IL6ST: variants seen among roughly 807,000 people sequenced by gnomAD.
IL6ST encodes the protein interleukin-6 receptor subunit beta.
Under a neutral mutation model 91.3 loss-of-function variants are expected in IL6ST, and 24 were observed. That is an observed-to-expected ratio of 0.26 (90% confidence interval 0.19 to 0.37). The LOEUF (loss-of-function observed/expected upper bound fraction) is 0.37. Among genes scored for constraint, IL6ST ranks in the 10% least tolerant of loss-of-function variants. The pLI is 1.00. For synonymous variants in IL6ST, 351 were observed against 373.6 expected (o/e 0.94, Z 0.70); for missense variants, 914 against 1,078.5 (o/e 0.85, Z 2.14).
intron 5 of IL6ST, 29 bp downstream of exon 5, chr5:55,968,247 T>C: frequency 6.5e-7 from 1 of 1,543,980 alleles, no homozygotes; most frequent in Non-Finnish European, 8.7e-7. Flanking sequence ...TTAATAAATC[T>C]AACATGAAAC....
chr5:55,993,334 T>C (rs897285979), intron 1 of IL6ST, among the ~76,000 whole-genome samples: 3 of 152,246 alleles, frequency 2.0e-5, no homozygotes, highest in African/African-American at 7.2e-5. Flanking sequence ...GCGAGACTCC[T>C]GTTTCCTTCT....
intron 2 of IL6ST, among the ~76,000 whole-genome samples, chr5:55,978,656 C>T (rs1031476863): frequency 6.6e-6 from 1 of 152,138 alleles, no homozygotes; most frequent in Non-Finnish European, 1.5e-5. Context: ...ACCTGGGAGG[C>T]GGAGGCTGCA....
chr5:55,986,874 T>C (rs1413984604), intron 1 of IL6ST, among the ~76,000 whole-genome samples: 1 of 152,226 alleles, frequency 6.6e-6, no homozygotes, highest in East Asian at 1.9e-4. Context: ...TACTTTTGCA[T>C]ATATTAAAAC....
intron 8 of IL6ST, chr5:55,959,736 T>C: frequency 1.3e-6 from 1 of 771,262 alleles, no homozygotes; most frequent in Non-Finnish European, 1.9e-6. Flanking sequence ...GGATCTAAGG[T>C]GTAGTTTGCT....
At chr5:55,966,635 C>A (rs558578406) in intron 5 of IL6ST, among the ~76,000 whole-genome samples, 3 of 152,104 alleles carry the variant, frequency 2.0e-5, no homozygotes, top group Non-Finnish European at 4.4e-5. Context: ...ATATTAATGA[C>A]TGCAACTCAC....
intron 1 of IL6ST, among the ~76,000 whole-genome samples, chr5:55,985,246 T>C (rs1229796044): frequency 6.6e-6 from 1 of 152,174 alleles, no homozygotes; most frequent in Non-Finnish European, 1.5e-5. Context: ...CCCGACGCAG[T>C]AGCTCACACT....
At position 55,939,139 on chromosome 5, in the gene IL6ST, A is replaced by G; in HGVS notation, c.*1943T>C. On this transcript the variant is annotated 3_prime_UTR_variant, in exon 17 of 17. Transcript: ENST00000381298. Reference sequence around the variant, plus strand: ...AAAATGGAAAATGTAATAGGTATAAATTTCCTGACACATACAGCAAGACAA... The same window carrying G: ...AAAATGGAAAATGTAATAGGTATAAGTTTCCTGACACATACAGCAAGACAA... 4.8e-6 allele frequency: 1 copy of G among 210,000 alleles called. No homozygotes were observed. The highest frequency in any genetic ancestry group is 9.7e-6 in the Non-Finnish European group (1 of 103,248). The allele number at this position is 210,000 out of a possible 1,614,324, so 13.0% of individuals were successfully genotyped here.
In IL6ST at chr5:55,935,490, A is replaced by G; in HGVS notation, c.*5592T>C. 4.8e-6 allele frequency: 1 copy of G among 209,866 alleles called. No individual in the cohort carries two copies. Among genetic ancestry groups the G allele is most frequent in the Non-Finnish European group, 9.6e-6 (1 of 103,662 alleles). 13.0% of individuals were successfully genotyped at this position (209,866 alleles called of 1,614,324 possible). The stretch of plus-strand genomic sequence containing the variant: ...TGATGGAGACAGAACTTTTCTATGG[A>G]GAACCCAAGCAGCCTTTCCATGATC... On this transcript the variant is annotated 3_prime_UTR_variant, in exon 17 of 17. Transcript: ENST00000381298.
intron 15 of IL6ST, among the ~76,000 whole-genome samples, chr5:55,945,648 CTTTTT>C (rs70995749): frequency 9.6e-5 from 4 of 41,682 alleles, no homozygotes; most frequent in Admixed American, 9.4e-4. Context: ...AAAACTTATG[CTTTTT>C]TTTTTTTTTT....
At chr5:55,950,239 G>GAA (rs1751540867) in intron 14 of IL6ST, 1 of 473,434 alleles carries the variant, frequency 2.1e-6, no homozygotes, top group African/African-American at 2.0e-5. Flanking sequence ...AGGCAAGTAA[G>GAA]AAAACAGGGT....
chr5:55,973,588 A>G (rs933702238), intron 3 of IL6ST, among the ~76,000 whole-genome samples: 1 of 152,224 alleles, frequency 6.6e-6, no homozygotes, highest in African/African-American at 2.4e-5. Flanking sequence ...ATATAAGCGA[A>G]GGAGTCTGAA....
intron 11 of IL6ST, among the ~76,000 whole-genome samples, chr5:55,952,709 A>G (rs1158259725): frequency 6.6e-6 from 1 of 152,224 alleles, no homozygotes; most frequent in South Asian, 2.1e-4. Flanking sequence ...CTAAAGCAGT[A>G]AGACCTAGGG....
intron 9 of IL6ST, among the ~76,000 whole-genome samples, chr5:55,956,936 G>T (rs1383637527): frequency 6.6e-6 from 1 of 152,142 alleles, no homozygotes; most frequent in African/African-American, 2.4e-5. Context: ...GAGGCAGGCA[G>T]AACATGAGGT....
chr5:55,955,372 G>A (rs1252016011), intron 10 of IL6ST, among the ~76,000 whole-genome samples: 3 of 152,096 alleles, frequency 2.0e-5, no homozygotes, highest in Non-Finnish European at 2.9e-5. Context: ...CACAAGAATC[G>A]CTTGAAGCCA....
intron 1 of IL6ST, among the ~76,000 whole-genome samples, chr5:55,987,889 T>C (rs1189523454): frequency 6.6e-6 from 1 of 152,030 alleles, no homozygotes; most frequent in Non-Finnish European, 1.5e-5. Flanking sequence ...TCCCAGCACT[T>C]TGGGAGGCCG....
rs57970223 is a variant in IL6ST at position 55,936,341 on chromosome 5, GTTTTTTTTTTTT to G, written c.*4729_*4740del. The G allele has an allele frequency of 6.7e-6, 1 of 149,120 alleles. No individual in the cohort carries two copies. Among genetic ancestry groups the G allele is most frequent in the East Asian group, 1.0e-4 (1 of 9,648 alleles). The allele number at this position is 149,120 out of a possible 1,614,324, so 9.2% of individuals were successfully genotyped here. On this transcript the variant is annotated 3_prime_UTR_variant, in exon 17 of 17. Coordinates refer to ENST00000381298, the MANE Select transcript of IL6ST (RefSeq NM_002184.4). ...ACTTGGGCTCTTGACAACCAAGTAG[GTTTTTTTTTTTT>G]TTTTTTTTTTTAATGTCCACTAGGA...
At chr5:55,978,679 C>T (rs1163136899) in intron 2 of IL6ST, among the ~76,000 whole-genome samples, 1 of 152,176 alleles carries the variant, frequency 6.6e-6, no homozygotes, top group African/African-American at 2.4e-5. Flanking sequence ...GAGCCGAGGT[C>T]ACACCACTGC....
rs146382783 is a variant in IL6ST, at chr5:55,964,278, G to A, written c.526C>T (p.Arg176Cys). 41 of 1,611,548 alleles carry A rather than the reference G, an allele frequency of 2.5e-5. No homozygotes were observed. The highest frequency in any genetic ancestry group is 3.4e-5 in the Non-Finnish European group (40 of 1,178,768). ...ACAGTGCATGAGGTGGGGGTGTCAC[G>A]TTTTGCTTTGCAATCAGCAAACTTG... ...THKFADCKAK[R>C]DTPTSCTVDY... Residue 176 changes from arginine (R) to cysteine (C), a missense_variant, in exon 6 of 17, where the codon CGT (arginine) becomes TGT (cysteine). By Grantham distance (180) the Arg-to-Cys change is radical. Transcript: ENST00000381298.
intron 15 of IL6ST, among the ~76,000 whole-genome samples, chr5:55,944,892 G>GACCC (rs1751145122): frequency 6.6e-6 from 1 of 152,032 alleles, no homozygotes; most frequent in Non-Finnish European, 1.5e-5. Context: ...TCACCTCTGA[G>GACCC]ACCCACCTTG....
Sources: gnomAD v4.1 joint callset for allele counts (sites outside exome capture counted in the v4.1 genomes callset) on GRCh38, gnomAD v4.1.1 for gene constraint, MANE v1.5 for transcripts, NCBI Gene and HGNC (gene_info 2026-07-23, HGNC 2026-07-21) for gene names.